Variants in CHM observed in about 807,000 individuals in gnomAD.
The protein encoded by CHM is rab proteins geranylgeranyltransferase component A 1.
CHM carries 10 observed loss-of-function variants against 49.0 expected under a neutral mutation model. That is an observed-to-expected ratio of 0.20 (90% CI 0.13 to 0.35). CHM has a LOEUF of 0.35. CHM is among the 10% of genes least tolerant of loss of function. The pLI is 1.00. For missense variants in CHM, 455 were observed against 478.4 expected, an observed-to-expected ratio of 0.95 and a Z score of 0.46; for synonymous variants, 184 against 167.5, an observed-to-expected ratio of 1.10 and a Z score of -0.76.
rs1228777866 is a variant in CHM, at chrX:85,916,349, C to T, written c.1167-5011G>A. On this transcript the variant is annotated intron_variant, in intron 8 of 14. Coordinates refer to ENST00000357749, the MANE Select transcript of CHM (RefSeq NM_000390.4). ...AATGTAAAACCCCAAACTATAAAAA[C>T]CCTGGAAGACAATCTAGGAAATACC... 2.7e-5 allele frequency among the ~76,000 whole-genome samples: 3 copies of T among 111,938 alleles called. No individual in the cohort carries two copies. In the Admixed American group the frequency reaches 2.8e-4, roughly 11 times the overall value.
chrX:85,870,748 G>A (rs1923999149), intron 14 of CHM, among the ~76,000 whole-genome samples: 1 of 111,669 alleles, frequency 9.0e-6, no homozygotes, highest in Non-Finnish European at 1.9e-5. Context: ...ATACAAAAAT[G>A]AGCAAGTCAT....
intron 8 of CHM, among the ~76,000 whole-genome samples, chrX:85,938,832 G>T (rs1032266471): frequency 1.2e-4 from 13 of 110,588 alleles, no homozygotes; most frequent in African/African-American, 4.3e-4. Flanking sequence ...GTGTGTGTGT[G>T]TTTTTAATGA....
intron 6 of CHM, 149 bp from the exon 7 acceptor site, chrX:85,958,124 C>T: frequency 1.5e-6 from 1 of 670,124 alleles, no homozygotes; most frequent in Middle Eastern, 4.7e-4. Context: ...GTACTAATGG[C>T]ATCTCTGCTA....
At chrX:85,869,591 T>A (rs961564887) in intron 14 of CHM, among the ~76,000 whole-genome samples, 1 of 111,534 alleles carries the variant, frequency 9.0e-6, no homozygotes, top group Non-Finnish European at 1.9e-5. Flanking sequence ...GCCCTGGCCC[T>A]TGTTGATGCC....
intron 2 of CHM, among the ~76,000 whole-genome samples, chrX:86,011,608 C>T (rs1036674905): frequency 8.9e-6 from 1 of 111,830 alleles, no homozygotes; most frequent in Non-Finnish European, 1.9e-5. Flanking sequence ...TAGACAATGG[C>T]TCCCCAAAGA....
intron 10 of CHM, 124 bp downstream of exon 10, chrX:85,900,960 A>G (rs1301755126): frequency 3.7e-6 from 2 of 543,717 alleles, no homozygotes; most frequent in East Asian, 7.2e-5. Flanking sequence ...AGACCCTGTA[A>G]GTGAAGTAAG....
At chrX:85,982,523 A>G (rs1310574382) in intron 2 of CHM, among the ~76,000 whole-genome samples, 1 of 112,055 alleles carries the variant, frequency 8.9e-6, no homozygotes, top group Non-Finnish European at 1.9e-5. Context: ...GACAACCCAG[A>G]GGTCTCCTAA....
chrX:86,035,797 T>C (rs1384654801), intron 1 of CHM, among the ~76,000 whole-genome samples: 1 of 98,429 alleles, frequency 1.0e-5, no homozygotes, highest in African/African-American at 3.8e-5. Flanking sequence ...ATTTTTTTTT[T>C]TTTTTTTTTT....
At chrX:85,897,165 AAT>A (rs34166915) in intron 11 of CHM, among the ~76,000 whole-genome samples, 7,287 of 96,721 alleles carry the variant, frequency 0.075, 687 homozygotes, top group African/African-American at 0.26. Flanking sequence ...ATATATATCT[AAT>A]ATATATATTA....
intron 1 of CHM, among the ~76,000 whole-genome samples, chrX:86,040,842 A>G (rs1486402692): frequency 8.9e-6 from 1 of 112,130 alleles, no homozygotes; most frequent in Non-Finnish European, 1.9e-5. Context: ...CAACCTTTCA[A>G]TGTATCCCTA....
chrX:86,032,731 GACA>G (rs973378586), intron 1 of CHM, among the ~76,000 whole-genome samples: 1 of 111,682 alleles, frequency 9.0e-6, no homozygotes, highest in Non-Finnish European at 1.9e-5. Context: ...TCTGATGCAA[GACA>G]ACAACTTTGG....
intron 1 of CHM, among the ~76,000 whole-genome samples, chrX:86,044,652 C>A (rs948698769): frequency 9.0e-6 from 1 of 111,626 alleles, no homozygotes; most frequent in African/African-American, 3.3e-5. Context: ...ACCAATGGTA[C>A]TTGTCTATAA....
chrX:86,005,579 A>G (rs1932835681), intron 2 of CHM, among the ~76,000 whole-genome samples: 1 of 112,162 alleles, frequency 8.9e-6, no homozygotes, highest in Non-Finnish European at 1.9e-5. Flanking sequence ...GATAAAGGGG[A>G]TATCACCACC....
chrX:85,957,738 T>C, intron 7 of CHM, 117 bp downstream of exon 7: 5 of 894,207 alleles, frequency 5.6e-6, no homozygotes, highest in East Asian at 3.3e-5. Context: ...CTATTGATAG[T>C]GCAGAGTTAG....
In CHM at chrX:86,012,100, T is replaced by C. The variant is rs754401585; in HGVS notation, c.116+15391A>G. On this transcript the variant is annotated intron_variant, in intron 2 of 14. Coordinates refer to ENST00000357749, the MANE Select transcript of CHM (RefSeq NM_000390.4). ...GACCACTAGTAATAGCAGTAAGTGATGAGGCAAAAGGAAATGCAAAACCAC... is the reference window on the plus strand; with the variant it reads ...GACCACTAGTAATAGCAGTAAGTGACGAGGCAAAAGGAAATGCAAAACCAC... Among the ~76,000 whole-genome samples, 5 of 111,842 alleles carry C rather than the reference T, an allele frequency of 4.5e-5. No homozygotes were observed. In the South Asian group the frequency reaches 1.9e-3, roughly 42 times the overall value.
intron 4 of CHM, among the ~76,000 whole-genome samples, chrX:85,973,300 CAAAAAAAAAAAA>C (rs58103002): frequency 1.0e-3 from 17 of 16,331 alleles, no homozygotes; most frequent in African/African-American, 3.2e-3. Context: ...TCTGTCTCGA[CAAAAAAAAAAAA>C]AAAAAAAAAA....
rs1167691945 is a variant in CHM at position 86,026,102 on chromosome X, C to CTTT, written c.116+1386_116+1388dup. ...CTGGGCTTTCAAGGTAGCAGATTTT[C>CTTT]TTTTTTTTTTTTTTTTTTTTTTTTT... is the stretch of plus-strand genomic sequence containing the variant. On this transcript the variant is annotated intron_variant, in intron 2 of 14. Coordinates refer to ENST00000357749, the MANE Select transcript of CHM (RefSeq NM_000390.4). Among the ~76,000 whole-genome samples the CTTT allele has an allele frequency of 2.5e-3, 66 of 26,759 alleles. 18 individuals are homozygous for CTTT. The highest frequency in any genetic ancestry group is 4.1e-3 in the Non-Finnish European group (54 of 13,228). The allele number at this position is 26,759 out of a possible 115,157, so 23.2% of individuals were successfully genotyped here.
rs950542457 is a variant in CHM, at chrX:85,862,099, T to A, written c.*2531A>T. The A allele has an allele frequency of 2.0e-4, 22 of 112,256 alleles. No homozygotes were observed. The highest frequency in any genetic ancestry group is 6.8e-4 in the African/African-American group (21 of 31,004). The allele number at this position is 112,256 out of a possible 1,213,427, so 9.3% of individuals were successfully genotyped here. ...TGTATGATATTTTAATCATCATGAA[T>A]CATGTTCAGGAACTTTTAAACATTT... On this transcript the variant is annotated 3_prime_UTR_variant, in exon 15 of 15. Transcript: ENST00000357749.
At chrX:86,022,697 A>G (rs1933656840) in intron 2 of CHM, among the ~76,000 whole-genome samples, 1 of 111,081 alleles carries the variant, frequency 9.0e-6, no homozygotes, top group South Asian at 3.8e-4. Context: ...TCTTATCTCC[A>G]GCTCTAGATC....
Sources: gnomAD v4.1 joint callset for allele counts (sites outside exome capture counted in the v4.1 genomes callset) on GRCh38, gnomAD v4.1.1 for gene constraint, MANE v1.5 for transcripts, NCBI Gene and HGNC (gene_info 2026-07-23, HGNC 2026-07-21) for gene names.